Variants in KIF19 observed in about 807,000 individuals in gnomAD.
KIF19 encodes kinesin family member 19, also known as kinesin-like protein KIF19.
A neutral mutation model predicts 106.6 loss-of-function variants in KIF19; 98 were observed. The ratio of observed to expected loss-of-function variants is 0.92; its 90% CI spans 0.78 to 1.09. KIF19 has a LOEUF of 1.09. Ranked by LOEUF, KIF19 falls within the 50% of genes least tolerant of loss-of-function variation. The probability of loss-of-function intolerance (pLI) is 0.00; values close to 1 mark genes in which losing one functional copy is unlikely to be tolerated. For synonymous variants in KIF19, 516 were observed against 584.2 expected (o/e 0.88, Z 1.68); for missense variants, 1,373 against 1,414.3 (o/e 0.97, Z 0.47).
In KIF19 at chr17:74,350,443, T is replaced by TG; in HGVS notation, c.1259dup (p.Gln421ThrfsTer33). On this transcript the variant is annotated frameshift_variant, in exon 11 of 20. Coordinates refer to ENST00000389916, the MANE Select transcript of KIF19 (RefSeq NM_153209.4). LOFTEE classifies it high-confidence loss of function. ...AGCGGGCAGGGTGAGAAGGCTGGCA[T>TG]GGGACAGCTTCGGGAGCAGCTCGCC... 6.2e-7 allele frequency: 1 copy of TG among 1,608,836 alleles called. No individual in the cohort carries two copies. Among genetic ancestry groups the TG allele is most frequent in the Non-Finnish European group, 8.5e-7 (1 of 1,178,470 alleles).
intron 10 of KIF19, 104 bp from the exon 11 acceptor site, chr17:74,350,297 G>A (rs1466904466): frequency 9.3e-7 from 1 of 1,073,372 alleles, no homozygotes; most frequent in Non-Finnish European, 1.3e-6. Flanking sequence ...GGAAGTGGGA[G>A]CACTGAGTTG....
chr17:74,343,255 C>G (rs992295791), intron 5 of KIF19, 95 bp downstream of exon 5: 1 of 1,256,674 alleles, frequency 8.0e-7, no homozygotes, highest in Non-Finnish European at 1.1e-6. Context: ...TGCTGCCCTC[C>G]TGCATGCCTA....
At chr17:74,341,812 G>A (rs1445371371) in intron 2 of KIF19, 64 bp from the exon 3 acceptor site, 1 of 1,079,136 alleles carries the variant, frequency 9.3e-7, no homozygotes, top group African/African-American at 1.5e-5. Context: ...CCTTCCTGAG[G>A]GTTGACCTCA....
intron 2 of KIF19, among the ~76,000 whole-genome samples, chr17:74,333,927 G>C (rs2054159592): frequency 6.9e-6 from 1 of 145,014 alleles, no homozygotes. Flanking sequence ...GGGCTCAAAG[G>C]ATCCTCCCAC....
chr17:74,354,739 C>T, intron 18 of KIF19, 43 bp from the exon 19 acceptor site: 1 of 1,540,408 alleles, frequency 6.5e-7, no homozygotes, highest in East Asian at 2.5e-5. Context: ...GTAGCAGATC[C>T]CTGTGCCGCT....
At chr17:74,326,894 G>T (rs1419115882) in intron 1 of KIF19, among the ~76,000 whole-genome samples, 1 of 152,192 alleles carries the variant, frequency 6.6e-6, no homozygotes, top group Non-Finnish European at 1.5e-5. Flanking sequence ...CACGGATGCT[G>T]CCCAAGTCCG....
In KIF19 at chr17:74,346,827, G is replaced by A. The variant is rs1356589488; in HGVS notation, c.924+303G>A. ...CCACCCAGGGCTGTGGGTCAGAGCC[G>A]TCTAGATTTGGGGGTGCAGGTGGGC... On this transcript the variant is annotated intron_variant, in intron 8 of 19. Coordinates refer to ENST00000389916, the MANE Select transcript of KIF19 (RefSeq NM_153209.4). This position sits in a 1 kb window ranked among gnomAD's most constrained non-coding sequence, Gnocchi z 4.6. 2.0e-5 allele frequency among the ~76,000 whole-genome samples: 3 copies of A among 152,180 alleles called. No individual in the cohort carries two copies. Among genetic ancestry groups the A allele is most frequent in the South Asian group, 4.1e-4 (2 of 4,830 alleles).
intron 12 of KIF19, 107 bp downstream of exon 12, chr17:74,351,012 A>C: frequency 9.2e-7 from 1 of 1,085,164 alleles, no homozygotes; most frequent in Non-Finnish European, 1.4e-6. Context: ...GAGACTTGGG[A>C]ACTCAGGCCA....
chr17:74,351,814 G>A (rs1042727504), intron 12 of KIF19, 53 bp from the exon 13 acceptor site: 41 of 1,368,058 alleles, frequency 3.0e-5, no homozygotes, highest in Middle Eastern at 2.7e-4. Flanking sequence ...GAGCTGGGCA[G>A]GCGGATCGGA....
intron 16 of KIF19, 87 bp from the exon 17 acceptor site, chr17:74,353,407 C>A: frequency 6.8e-7 from 1 of 1,461,696 alleles, no homozygotes; most frequent in Non-Finnish European, 9.4e-7. Context: ...ACGGCACCAG[C>A]TTGAGGCCCC....
In KIF19 at chr17:74,352,353, C is replaced by T; in HGVS notation, c.1980+13C>T. ...CAGGGCCCTGCAGGTGGGTGGGCGC[C>T]TGGGCGGCCTGAACATGGGCACATG... On this transcript the variant is annotated intron_variant, in intron 14 of 19. Transcript: ENST00000389916. 6.3e-7 allele frequency: 1 copy of T among 1,598,930 alleles called. No homozygotes were observed. Among genetic ancestry groups the T allele is most frequent in the Non-Finnish European group, 8.5e-7 (1 of 1,174,064 alleles).
In KIF19 at chr17:74,351,956, GC is replaced by G; in HGVS notation, c.1678del (p.Arg560AlafsTer115). ...CGCGGCGCATCGGCTCCGAGGAGCA[GC>G]GCGAGGTGCTCAGCCTGCTGTGCCG... is the stretch of plus-strand genomic sequence containing the variant. ...LPRRIGSEEQ[R>X]EVLSLLCRVH... On this transcript the variant is annotated frameshift_variant, in exon 13 of 20. Coordinates refer to ENST00000389916, the MANE Select transcript of KIF19 (RefSeq NM_153209.4). LOFTEE classifies it high-confidence loss of function. 1 of 1,507,678 alleles carries G rather than the reference GC, an allele frequency of 6.6e-7. No homozygotes were observed. The highest frequency in any genetic ancestry group is 8.8e-7 in the Non-Finnish European group (1 of 1,135,386). The allele number at this position is 1,507,678 out of a possible 1,614,324, so 93.4% of individuals were successfully genotyped here.
chr17:74,335,822 C>G (rs1207097838), intron 2 of KIF19, among the ~76,000 whole-genome samples: 1 of 152,270 alleles, frequency 6.6e-6, no homozygotes, highest in African/African-American at 2.4e-5. Context: ...AATGCCCATG[C>G]TGAGCCCACC....
At chr17:74,332,218 G>GTGTGTGTGTGTGTGTT (rs2054112617) in intron 2 of KIF19, among the ~76,000 whole-genome samples, 11 of 110,696 alleles carry the variant, frequency 9.9e-5, no homozygotes, top group South Asian at 3.2e-4. Flanking sequence ...GTTTGTGTGT[G>GTGTGTGTGTGTGTGTT]TGTGTGTGTG....
At chr17:74,351,716 G>A (rs2144292580) in intron 12 of KIF19, 151 bp from the exon 13 acceptor site, 1 of 924,886 alleles carries the variant, frequency 1.1e-6, no homozygotes, top group African/African-American at 1.8e-5. Flanking sequence ...GTCCCTGATT[G>A]TAAGGCCCAA....
At position 74,349,047 on chromosome 17, in the gene KIF19, G is replaced by A. The variant is rs944583004; in HGVS notation, c.1048-137G>A. On this transcript the variant is annotated intron_variant, in intron 9 of 19. Coordinates refer to ENST00000389916, the MANE Select transcript of KIF19 (RefSeq NM_153209.4). ...GCAGTGAGTGTGACAGGAGGTTGTG[G>A]AAGTGGAGGAAAGGAGGCCATTACT... The A allele has an allele frequency of 6.5e-6, 5 of 770,812 alleles. No individual in the cohort carries two copies. In the African/African-American group the frequency reaches 8.8e-5, roughly 14 times the overall value. The allele number at this position is 770,812 out of a possible 1,614,324, so 47.7% of individuals were successfully genotyped here. A position where few individuals can be genotyped will look rare whatever the true frequency, so the allele number is the denominator to read the frequency against.
Position 74,350,469 on chromosome 17 carries a change from A to G in KIF19, c.1282A>G (p.Ser428Gly). The G allele has an allele frequency of 6.2e-7, 1 of 1,611,012 alleles. No homozygotes were observed. The highest frequency in any genetic ancestry group is 2.2e-5 in the East Asian group (1 of 44,822). Reference protein sequence around the residue: ...GMGQLREQLASAFQEQMDVRR... With the variant: ...GMGQLREQLAGAFQEQMDVRR... ...GGGACAGCTTCGGGAGCAGCTCGCCAGCGCCTTCCAGGAGCAGATGGATGT... is the reference window on the plus strand; with the variant it reads ...GGGACAGCTTCGGGAGCAGCTCGCCGGCGCCTTCCAGGAGCAGATGGATGT... Residue 428 changes from serine to glycine, a missense_variant, in exon 11 of 20, where the codon AGC (serine) becomes GGC (glycine). By Grantham distance (56) the Ser-to-Gly change is moderately conservative. Transcript: ENST00000389916.
chr17:74,354,725 C>T, intron 18 of KIF19, 57 bp from the exon 19 acceptor site: 2 of 1,533,336 alleles, frequency 1.3e-6, no homozygotes, highest in Non-Finnish European at 1.8e-6. Context: ...TGGGACAGAT[C>T]CTGGTAGCAG....
chr17:74,329,625 G>T (rs925689485), intron 2 of KIF19, among the ~76,000 whole-genome samples: 1 of 151,932 alleles, frequency 6.6e-6, no homozygotes, highest in African/African-American at 2.4e-5. Context: ...GCTGAGAAAA[G>T]GCCAGAGTGG....
Sources: allele counts gnomAD v4.1 joint callset (sites outside exome capture counted in the v4.1 genomes callset), GRCh38; gene constraint gnomAD v4.1.1; non-coding constraint Gnocchi (gnomAD v3.1); transcripts MANE v1.5; gene names NCBI Gene and HGNC (gene_info 2026-07-23, HGNC 2026-07-21).